Variants in KTN1 observed in about 807,000 individuals in gnomAD.
KTN1 encodes kinectin 1.
A neutral mutation model predicts 222.5 loss-of-function variants in KTN1; 130 were observed. The ratio of observed to expected loss-of-function variants is 0.58; its 90% CI spans 0.51 to 0.68. KTN1 has a LOEUF of 0.68. Ranked by LOEUF, KTN1 falls within the 30% of genes least tolerant of loss-of-function variation. The pLI is 0.00. For synonymous variants in KTN1, 512 were observed against 496.3 expected, an observed-to-expected ratio of 1.03 and a Z score of -0.42; for missense variants, 1,508 against 1,500.4, an observed-to-expected ratio of 1.01 and a Z score of -0.08.
intron 7 of KTN1, among the ~76,000 whole-genome samples, 193 bp downstream of exon 7, chr14:55,630,290 AT>A (rs1435576035): frequency 5.9e-5 from 9 of 152,222 alleles, no homozygotes; most frequent in African/African-American, 2.2e-4. Context: ...GCAGATAAAT[AT>A]GATGATAGAG....
At chr14:55,669,952 T>C (rs1368456456) in intron 34 of KTN1, among the ~76,000 whole-genome samples, 2 of 151,914 alleles carry the variant, frequency 1.3e-5, no homozygotes, top group Non-Finnish European at 2.9e-5. Flanking sequence ...AAAGAAGGAA[T>C]AAGAGGAAAT....
At chr14:55,636,868 T>C (rs930289374) in intron 10 of KTN1, among the ~76,000 whole-genome samples, 3 of 151,972 alleles carry the variant, frequency 2.0e-5, no homozygotes, top group African/African-American at 4.8e-5. Context: ...AATACTCACT[T>C]CTTATTTTGA....
At chr14:55,682,735 T>C (rs144943756) in intron 43 of KTN1, 96 of 152,376 alleles carry the variant, frequency 6.3e-4, no homozygotes, top group African/African-American at 2.2e-3. Flanking sequence ...AGCTGGGGTT[T>C]AAATCAAGGT....
At chr14:55,651,615 C>T in intron 24 of KTN1, 1 of 419,530 alleles carries the variant, frequency 2.4e-6, no homozygotes, top group East Asian at 4.6e-5. Context: ...CATCCCACTG[C>T]TTCACTTGAC....
rs138894025 is a variant in KTN1 at position 55,650,390 on chromosome 14, A to G, written c.2468A>G (p.Lys823Arg). 93 of 1,611,182 alleles carry G rather than the reference A, an allele frequency of 5.8e-5. No homozygotes were observed. The African/African-American group carries it at 1.1e-3, about 19-fold the overall frequency. The change falls in exon 23 of 44, where the codon AAA (lysine) becomes AGA (arginine). Residue 823 changes from lysine to arginine, a missense_variant. Physicochemically the swap from Lys to Arg is conservative, Grantham distance 26 (BLOSUM62 2). Coordinates refer to ENST00000395314, the MANE Select transcript of KTN1 (RefSeq NM_001079521.2). ...GAGCTTCTGGAGGCAGAACTTCTCA[A>G]AGTTGCTAACAAGGAGAAAACTGTT... is the stretch of plus-strand genomic sequence containing the variant. Reference protein sequence around the residue: ...VEELLEAELLKVANKEKTVQD... With the variant: ...VEELLEAELLRVANKEKTVQD...
chr14:55,621,457 G>A (rs2039118673), intron 5 of KTN1, among the ~76,000 whole-genome samples: 1 of 152,176 alleles, frequency 6.6e-6, no homozygotes, highest in African/African-American at 2.4e-5. Flanking sequence ...AGAAAAAGGG[G>A]TTTAATGGAC....
At position 55,673,261 on chromosome 14, in the gene KTN1, A is replaced by T; in HGVS notation, c.3771+6A>T. Reference sequence around the variant, plus strand: ...AGAATGAAGAGCTAAATTTGGTAAGAAGCTTGTCCTCCACTGGGTATCAAG... The same window carrying T: ...AGAATGAAGAGCTAAATTTGGTAAGTAGCTTGTCCTCCACTGGGTATCAAG... On this transcript the variant is annotated splice_donor_region_variant and intron_variant, in intron 40 of 43. Transcript: ENST00000395314. 6.3e-7 allele frequency: 1 copy of T among 1,593,008 alleles called. No homozygotes were observed. Among genetic ancestry groups the T allele is most frequent in the Non-Finnish European group, 8.6e-7 (1 of 1,161,402 alleles).
At chr14:55,669,344 G>A (rs567649310) in intron 34 of KTN1, among the ~76,000 whole-genome samples, 2 of 152,028 alleles carry the variant, frequency 1.3e-5, no homozygotes, top group East Asian at 3.9e-4. Context: ...TCATATACTT[G>A]TCAAAAGTTG....
At chr14:55,607,070 A>G (rs535303728) in intron 1 of KTN1, among the ~76,000 whole-genome samples, 40 of 152,274 alleles carry the variant, frequency 2.6e-4, no homozygotes, top group African/African-American at 9.6e-4. Context: ...AAGCAGCTCT[A>G]TTGAAATTCT....
At chr14:55,626,367 C>G (rs1354325379) in intron 5 of KTN1, among the ~76,000 whole-genome samples, 2 of 152,016 alleles carry the variant, frequency 1.3e-5, no homozygotes, top group African/African-American at 4.8e-5. Context: ...GATGGTGTTG[C>G]TTTTGCTTCC....
At chr14:55,662,960 A>G (rs1160675394) in intron 32 of KTN1, 1 of 455,946 alleles carries the variant, frequency 2.2e-6, no homozygotes, top group South Asian at 1.5e-5. Flanking sequence ...ACCCGTGTGA[A>G]AAGAGCCAGG....
intron 22 of KTN1, among the ~76,000 whole-genome samples, chr14:55,650,021 T>C (rs1195386421): frequency 6.6e-6 from 1 of 151,914 alleles, no homozygotes; most frequent in East Asian, 1.9e-4. Context: ...AAAAAAACTA[T>C]TTCCAGAGGA....
chr14:55,648,058 G>T lies in KTN1; in HGVS notation c.2241G>T (p.Val747=). ...AAAAAGATGAGAAGTTAAAGACTGTGGAAGAATTACTTGAAACTGGACTTA... is the reference window on the plus strand; with the variant it reads ...AAAAAGATGAGAAGTTAAAGACTGTTGAAGAATTACTTGAAACTGGACTTA... ...IQEKDEKLKT[V]EELLETGLIQ... is the part of the protein sequence containing the mutation. The change falls in exon 20 of 44, where the codon GTG becomes GTT. Residue 747 remains valine, a synonymous_variant. Transcript: ENST00000395314. 6.4e-7 allele frequency: 1 copy of T among 1,560,104 alleles called. No homozygotes were observed. The highest frequency in any genetic ancestry group is 1.2e-5 in the South Asian group (1 of 82,574).
intron 7 of KTN1, among the ~76,000 whole-genome samples, chr14:55,631,707 G>A (rs2040556341): frequency 6.6e-6 from 1 of 152,058 alleles, no homozygotes; most frequent in South Asian, 2.1e-4. Context: ...AGCCTGGAAG[G>A]ATGAGGTTGC....
intron 1 of KTN1, among the ~76,000 whole-genome samples, chr14:55,585,444 G>A (rs996873988): frequency 6.6e-6 from 1 of 152,074 alleles, no homozygotes; most frequent in Non-Finnish European, 1.5e-5. Context: ...ACTTTTATTT[G>A]CCTTTTTATT....
intron 1 of KTN1, among the ~76,000 whole-genome samples, chr14:55,598,958 C>G (rs1234171193): frequency 6.6e-6 from 1 of 152,138 alleles, no homozygotes; most frequent in African/African-American, 2.4e-5. Context: ...ATTTATTGGA[C>G]ATTCTCATGT....
At chr14:55,644,185 C>G in intron 18 of KTN1, 1 of 412,436 alleles carries the variant, frequency 2.4e-6, no homozygotes, top group Non-Finnish European at 4.3e-6. Flanking sequence ...ATTGTTGCTG[C>G]TAGTGAAAGA....
chr14:55,650,510 A>G, intron 23 of KTN1, 59 bp from the exon 24 acceptor site: 1 of 1,524,176 alleles, frequency 6.6e-7, no homozygotes. Context: ...TGTGCATTGC[A>G]TTTTATGTCA....
chr14:55,639,331 A>T, intron 13 of KTN1, 109 bp downstream of exon 13: 1 of 683,024 alleles, frequency 1.5e-6, no homozygotes, highest in Non-Finnish European at 2.4e-6. Flanking sequence ...TGTTCAGAAA[A>T]TACTCTGAAC....
Sources: allele counts gnomAD v4.1 joint callset (sites outside exome capture counted in the v4.1 genomes callset), GRCh38; gene constraint gnomAD v4.1.1; transcripts MANE v1.5; gene names NCBI Gene and HGNC (gene_info 2026-07-23, HGNC 2026-07-21).